Variants in PDIA5 observed in about 807,000 individuals in gnomAD.
PDIA5 encodes the protein protein disulfide-isomerase A5.
Under a neutral mutation model 77.6 loss-of-function variants are expected in PDIA5, and 58 were observed. The ratio of observed to expected loss-of-function variants is 0.75; its 90% CI spans 0.61 to 0.93. The LOEUF (loss-of-function observed/expected upper bound fraction) is 0.93, where lower values mean the gene tolerates loss of function less well. PDIA5 is among the 40% of genes least tolerant of loss of function. The pLI is 0.00. For missense variants in PDIA5, 630 were observed against 647.7 expected (o/e 0.97, Z 0.30); for synonymous variants, 250 against 252.1 (o/e 0.99, Z 0.08).
Position 123,117,374 on chromosome 3 carries a change from TTATATATATATA to T in PDIA5, c.609+1090_609+1101del, listed in dbSNP as rs370968904. Among the ~76,000 whole-genome samples the T allele has an allele frequency of 8.8e-5, 7 of 79,872 alleles. 1 individual carries two copies. Among genetic ancestry groups the T allele is most frequent in the African/African-American group, 9.6e-5 (2 of 20,752 alleles). The allele number at this position is 79,872 out of a possible 152,430, so 52.4% of individuals were successfully genotyped here. A position where few individuals can be genotyped will look rare whatever the true frequency, so the allele number is the denominator to read the frequency against. ...CTTTCTACTTTCTGTTTCTATGATT[TTATATATATATA>T]TATATATATATATTCTGTTTTAGAG... On this transcript the variant is annotated intron_variant, in intron 8 of 16. Transcript: ENST00000316218.
chr3:123,136,211 A>C (rs1935499817), intron 11 of PDIA5, among the ~76,000 whole-genome samples: 1 of 152,316 alleles, frequency 6.6e-6, no homozygotes, highest in East Asian at 1.9e-4. Flanking sequence ...CTGGGATTAT[A>C]GGCATGAGCC....
At chr3:123,115,273 G>A (rs1934968560) in intron 7 of PDIA5, among the ~76,000 whole-genome samples, 1 of 152,224 alleles carries the variant, frequency 6.6e-6, no homozygotes, top group African/African-American at 2.4e-5. Context: ...AACTGCTCAT[G>A]TCCTGTGGGA....
intron 5 of PDIA5, among the ~76,000 whole-genome samples, chr3:123,104,071 A>C (rs902972993): frequency 1.2e-4 from 19 of 152,204 alleles, no homozygotes; most frequent in African/African-American, 4.3e-4. Flanking sequence ...AGGTGGCCCC[A>C]GCATGCCACT....
chr3:123,113,719 G>C (rs1375413193), intron 7 of PDIA5, among the ~76,000 whole-genome samples: 1 of 152,180 alleles, frequency 6.6e-6, no homozygotes, highest in Non-Finnish European at 1.5e-5. Flanking sequence ...TAACTGGGAC[G>C]TCTGTTAGGA....
Position 123,124,348 on chromosome 3 carries a change from G to C in PDIA5, c.773+5G>C. On this transcript the variant is annotated splice_donor_5th_base_variant and intron_variant, in intron 10 of 16. Transcript: ENST00000316218. ...CATTGTGGAGTGGCTGAAGAAGTAAGTGGGGTGTGTGTGTGTCAGTGGGCG... is the reference window on the plus strand; with the variant it reads ...CATTGTGGAGTGGCTGAAGAAGTAACTGGGGTGTGTGTGTGTCAGTGGGCG... The C allele has an allele frequency of 6.2e-7, 1 of 1,609,398 alleles. No homozygotes were observed. Among genetic ancestry groups the C allele is most frequent in the African/African-American group, 1.3e-5 (1 of 74,930 alleles).
At chr3:123,123,374 T>A (rs1935164411) in intron 8 of PDIA5, among the ~76,000 whole-genome samples, 1 of 152,198 alleles carries the variant, frequency 6.6e-6, no homozygotes, top group Admixed American at 6.5e-5. Context: ...CAGAATATGT[T>A]CAGAATTCTG....
chr3:123,154,692 G>A (rs1024211178), intron 14 of PDIA5, among the ~76,000 whole-genome samples: 1 of 152,186 alleles, frequency 6.6e-6, no homozygotes, highest in African/African-American at 2.4e-5. Flanking sequence ...GTCCTCTGTG[G>A]AAGGAGCAGA....
intron 13 of PDIA5, among the ~76,000 whole-genome samples, chr3:123,148,995 G>A (rs1197732582): frequency 1.3e-5 from 2 of 152,268 alleles, no homozygotes; most frequent in Non-Finnish European, 2.9e-5. Flanking sequence ...GCCAGCCTGG[G>A]GAGGCAGTGT....
intron 15 of PDIA5, among the ~76,000 whole-genome samples, chr3:123,155,484 G>A (rs1311442131): frequency 3.3e-5 from 5 of 152,248 alleles, no homozygotes; most frequent in Admixed American, 3.3e-4. Flanking sequence ...GCCGACTGAT[G>A]AAGCATAAAA....
intron 1 of PDIA5, chr3:123,067,486 C>T (rs1933601219): frequency 1.3e-5 from 5 of 376,776 alleles, no homozygotes; most frequent in Non-Finnish European, 4.7e-6. Flanking sequence ...CACAACTTTG[C>T]GGGGATGCAG....
chr3:123,155,280 G>T (rs1010102493), intron 15 of PDIA5, among the ~76,000 whole-genome samples: 1 of 152,220 alleles, frequency 6.6e-6, no homozygotes, highest in Admixed American at 6.5e-5. Context: ...GAGAGGGATG[G>T]TTAAAGGGGT....
In PDIA5 at chr3:123,130,472, T is replaced by A. The variant is rs772424984; in HGVS notation, c.774-8T>A. 1.2e-6 allele frequency: 2 copies of A among 1,612,096 alleles called. No individual in the cohort carries two copies. The highest frequency in any genetic ancestry group is 1.7e-6 in the Non-Finnish European group (2 of 1,179,008). On this transcript the variant is annotated splice_region_variant and splice_polypyrimidine_tract_variant and intron_variant, in intron 10 of 16. Coordinates refer to ENST00000316218, the MANE Select transcript of PDIA5 (RefSeq NM_006810.4). ...TGCTCTGAGCTCTGCCTGTTTTTGG[T>A]CTTCCAGTCCGCAGCCGCCACAGCC... is the stretch of plus-strand genomic sequence containing the variant.
At chr3:123,087,365 T>G (rs955939046) in intron 1 of PDIA5, among the ~76,000 whole-genome samples, 1 of 151,868 alleles carries the variant, frequency 6.6e-6, no homozygotes. Flanking sequence ...TCTTTTTCTT[T>G]TTCTGGAGTC....
chr3:123,071,874 C>T (rs1371797619), intron 1 of PDIA5, among the ~76,000 whole-genome samples: 2 of 152,152 alleles, frequency 1.3e-5, no homozygotes, highest in African/African-American at 2.4e-5. Context: ...GCTGATGGAA[C>T]TAATGTCACA....
intron 1 of PDIA5, among the ~76,000 whole-genome samples, chr3:123,070,674 C>T (rs1933701700): frequency 6.6e-6 from 1 of 152,180 alleles, no homozygotes; most frequent in Non-Finnish European, 1.5e-5. Context: ...CCGAGCCATG[C>T]TGCCCTGCTC....
intron 1 of PDIA5, among the ~76,000 whole-genome samples, chr3:123,078,251 C>A (rs569190410): frequency 6.6e-6 from 1 of 152,032 alleles, no homozygotes; most frequent in Admixed American, 6.6e-5. Flanking sequence ...TGAACGGAGG[C>A]GAGACAGTTC....
intron 14 of PDIA5, among the ~76,000 whole-genome samples, chr3:123,150,635 C>A (rs1272860261): frequency 6.6e-6 from 1 of 152,098 alleles, no homozygotes; most frequent in Non-Finnish European, 1.5e-5. Context: ...TGCTCGTCCC[C>A]TCTTGTCCCT....
At chr3:123,155,444 G>A (rs1046230535) in intron 15 of PDIA5, among the ~76,000 whole-genome samples, 1 of 152,192 alleles carries the variant, frequency 6.6e-6, no homozygotes, top group Non-Finnish European at 1.5e-5. Context: ...GTGGAGCCTC[G>A]CCCTGCCTAA....
intron 10 of PDIA5, among the ~76,000 whole-genome samples, chr3:123,127,648 G>A (rs757703860): frequency 5.3e-5 from 8 of 152,116 alleles, no homozygotes; most frequent in Non-Finnish European, 1.5e-5. Context: ...TATTTACACC[G>A]AACTGGAGTT....
Sources: gnomAD v4.1 joint callset for allele counts (sites outside exome capture counted in the v4.1 genomes callset) on GRCh38, gnomAD v4.1.1 for gene constraint, MANE v1.5 for transcripts, NCBI Gene and HGNC (gene_info 2026-07-23, HGNC 2026-07-21) for gene names.